The following ERC2 variants were observed in gnomAD, a reference collection of about 807,000 sequenced individuals.
ERC2 encodes the protein ERC protein 2.
In ERC2, 42 loss-of-function variants were observed where a neutral mutation model predicts 114.8. The observed-to-expected ratio is 0.37, with a 90% CI of 0.29 to 0.47. The LOEUF is 0.47. ERC2 is among the 20% of genes least tolerant of loss of function. The pLI is 0.99. For missense variants in ERC2, 939 were observed against 1,150.7 expected (o/e 0.82, Z 2.66); for synonymous variants, 454 against 425.5 (o/e 1.07, Z -0.82).
At chr3:56,084,750 G>C (rs2033744815) in intron 6 of ERC2, among the ~76,000 whole-genome samples, 1 of 151,778 alleles carries the variant, frequency 6.6e-6, no homozygotes, top group African/African-American at 2.4e-5. Flanking sequence ...TACCTACTGG[G>C]TGCAAGGTAC....
rs189926856 is a variant in ERC2 at position 55,734,172 on chromosome 3, T to C, written c.2712+599A>G. Among the ~76,000 whole-genome samples the C allele has an allele frequency of 7.2e-5, 11 of 151,984 alleles. No homozygotes were observed. In the East Asian group the frequency reaches 2.1e-3, roughly 29 times the overall value. On this transcript the variant is annotated intron_variant, in intron 15 of 17. Transcript: ENST00000288221. Reference sequence around the variant, plus strand: ...AAACAAATACAGTGGCCTAGAGGGGTGAAAACACAGGATAACGGGGCAAAC... The same window carrying C: ...AAACAAATACAGTGGCCTAGAGGGGCGAAAACACAGGATAACGGGGCAAAC...
At chr3:56,299,803 T>C (rs1026995140) in intron 2 of ERC2, among the ~76,000 whole-genome samples, 18 of 152,142 alleles carry the variant, frequency 1.2e-4, no homozygotes, top group African/African-American at 3.9e-4. Context: ...ATGATCCAGG[T>C]TTATCTGGAG....
chr3:55,836,757 A>T (rs183285894), intron 14 of ERC2, among the ~76,000 whole-genome samples: 1 of 152,316 alleles, frequency 6.6e-6, no homozygotes, highest in African/African-American at 2.4e-5. Flanking sequence ...GACAAATGGG[A>T]TCTAATTAAA....
At chr3:56,286,437 AAAG>A in intron 3 of ERC2, among the ~76,000 whole-genome samples, 1 of 147,910 alleles carries the variant, frequency 6.8e-6, no homozygotes, top group African/African-American at 2.6e-5. Flanking sequence ...AAAAAAAAAA[AAAG>A]GCAGAAAAAA....
intron 16 of ERC2, among the ~76,000 whole-genome samples, chr3:55,689,379 G>A (rs2062511403): frequency 6.6e-6 from 1 of 152,070 alleles, no homozygotes; most frequent in South Asian, 2.1e-4. Context: ...TCAGCTCAAG[G>A]ACATCAGATA....
At chr3:55,984,664 A>C (rs2070449098) in intron 12 of ERC2, among the ~76,000 whole-genome samples, 1 of 152,154 alleles carries the variant, frequency 6.6e-6, no homozygotes. Context: ...AAAGTAAATT[A>C]AGAGTCATTA....
At chr3:55,965,474 T>G (rs1256008538) in intron 12 of ERC2, among the ~76,000 whole-genome samples, 1 of 152,226 alleles carries the variant, frequency 6.6e-6, no homozygotes, top group Non-Finnish European at 1.5e-5. Flanking sequence ...TGTTAGCTAT[T>G]TTTTAAAACT....
At chr3:56,051,175 G>A (rs1404205903) in intron 7 of ERC2, among the ~76,000 whole-genome samples, 1 of 152,132 alleles carries the variant, frequency 6.6e-6, no homozygotes, top group Non-Finnish European at 1.5e-5. Flanking sequence ...TTGTTGGGAA[G>A]GAATGCAATT....
chr3:56,311,819 A>G (rs543431409), intron 2 of ERC2, among the ~76,000 whole-genome samples: 12 of 142,964 alleles, frequency 8.4e-5, no homozygotes, highest in South Asian at 4.6e-4. Flanking sequence ...ATACATATAA[A>G]TGTGTGTGTG....
chr3:56,301,696 T>C (rs2055886635), intron 2 of ERC2, among the ~76,000 whole-genome samples: 2 of 142,418 alleles, frequency 1.4e-5, no homozygotes, highest in Admixed American at 1.4e-4. Flanking sequence ...GGAGACCCTG[T>C]ATCTAAAAAA....
intron 2 of ERC2, among the ~76,000 whole-genome samples, chr3:56,430,478 C>T (rs1305382931): frequency 6.6e-6 from 1 of 152,168 alleles, no homozygotes; most frequent in African/African-American, 2.4e-5. Flanking sequence ...CCCCACTGTC[C>T]TCCATTTTAA....
chr3:55,805,410 A>G (rs2059449561), intron 14 of ERC2, among the ~76,000 whole-genome samples: 1 of 151,882 alleles, frequency 6.6e-6, no homozygotes, highest in Admixed American at 6.6e-5. Context: ...AGGCTCAGAG[A>G]GATTCAGTAC....
intron 17 of ERC2, among the ~76,000 whole-genome samples, chr3:55,680,026 T>C (rs1183213558): frequency 6.6e-6 from 1 of 152,192 alleles, no homozygotes; most frequent in African/African-American, 2.4e-5. Flanking sequence ...AGCACTGCTT[T>C]TATTTGTAAA....
chr3:55,734,872 C>A lies in ERC2; in HGVS notation c.2611G>T (p.Ala871Ser). ...AAISEKDANI[A>S]LLELSASKKK... ...TTGGAGGCAGACAATTCCAGCAAGG[C>A]AATGTTTGCATCTTTTTCACTGATG... Residue 871 changes from alanine to serine, a missense_variant, in exon 15 of 18, where the codon GCC becomes TCC. This residue lies in a region of ERC2 where 328 missense variants were observed against 353.9 expected (regional missense o/e 0.93). Transcript: ENST00000288221. 1.2e-6 allele frequency: 2 copies of A among 1,610,990 alleles called. No homozygotes were observed. Among genetic ancestry groups the A allele is most frequent in the East Asian group, 2.2e-5 (1 of 44,742 alleles).
intron 6 of ERC2, among the ~76,000 whole-genome samples, chr3:56,134,878 A>G (rs546623048): frequency 3.9e-4 from 59 of 152,142 alleles, no homozygotes; most frequent in African/African-American, 1.3e-3. Flanking sequence ...GGAGAAAAGT[A>G]TACTTGCCAG....
chr3:55,863,514 T>G (rs2062116476), intron 14 of ERC2, among the ~76,000 whole-genome samples: 2 of 152,128 alleles, frequency 1.3e-5, no homozygotes, highest in Middle Eastern at 3.2e-3. Context: ...CCTTCCTTTT[T>G]CAAGGAAACT....
At chr3:55,957,941 C>T (rs1057436377) in intron 12 of ERC2, among the ~76,000 whole-genome samples, 1 of 152,226 alleles carries the variant, frequency 6.6e-6, no homozygotes, top group Non-Finnish European at 1.5e-5. Context: ...GCTGTTCTCT[C>T]CTTCTCACCG....
At chr3:55,772,718 G>C (rs960743591) in intron 14 of ERC2, among the ~76,000 whole-genome samples, 1 of 152,136 alleles carries the variant, frequency 6.6e-6, no homozygotes, top group Non-Finnish European at 1.5e-5. Context: ...CAGCATGCTG[G>C]AATTGTCAAA....
chr3:56,465,558 A>G (rs566803261), intron 1 of ERC2, among the ~76,000 whole-genome samples: 1 of 152,374 alleles, frequency 6.6e-6, no homozygotes, highest in African/African-American at 2.4e-5. Flanking sequence ...AAGGATGTTA[A>G]GAGCATTTAT....
Sources: allele counts gnomAD v4.1 joint callset (sites outside exome capture counted in the v4.1 genomes callset), GRCh38; gene constraint gnomAD v4.1.1; regional missense constraint gnomAD v4.1.1; transcripts MANE v1.5; gene names NCBI Gene and HGNC (gene_info 2026-07-23, HGNC 2026-07-21).